The following ZFPM2 variants were observed in gnomAD, a reference collection of about 807,000 sequenced individuals.
ZFPM2 encodes zinc finger protein, FOG family member 2, also known as zinc finger protein ZFPM2.
In ZFPM2, 20 loss-of-function variants were observed where a neutral mutation model predicts 98.6. That is an observed-to-expected ratio of 0.20 (90% CI 0.14 to 0.29). The LOEUF (loss-of-function observed/expected upper bound fraction) is 0.29. ZFPM2 is among the 10% of genes least tolerant of loss of function. The pLI is 1.00. For missense variants in ZFPM2, 1,310 were observed against 1,388.6 expected (o/e 0.94, Z 0.90); for synonymous variants, 518 against 502.7 (o/e 1.03, Z -0.41).
chr8:105,727,448 G>C (rs919329829), intron 5 of ZFPM2, among the ~76,000 whole-genome samples: 2 of 151,724 alleles, frequency 1.3e-5, no homozygotes, highest in African/African-American at 4.8e-5. Flanking sequence ...ATTAATTGCT[G>C]ATTTATGAAA....
chr8:105,621,610 T>C (rs1816548322), intron 4 of ZFPM2, among the ~76,000 whole-genome samples: 1 of 152,192 alleles, frequency 6.6e-6, no homozygotes, highest in Admixed American at 6.5e-5. Context: ...TGTTGCACTT[T>C]CCAAATGTAC....
At chr8:105,506,988 CA>C (rs61634908) in intron 3 of ZFPM2, among the ~76,000 whole-genome samples, 23,361 of 112,494 alleles carry the variant, frequency 0.21, 1,919 homozygotes, top group East Asian at 0.41. Flanking sequence ...ACTCCGTCTC[CA>C]AAAAAAAAAA....
In ZFPM2 at chr8:105,803,630, G is replaced by A. The variant is rs1814116615; in HGVS notation, c.*92G>A. The A allele has an allele frequency of 4.0e-6, 5 of 1,255,238 alleles. No homozygotes were observed. In the African/African-American group the frequency reaches 7.5e-5, roughly 19 times the overall value. The allele number at this position is 1,255,238 out of a possible 1,614,324, so 77.8% of individuals were successfully genotyped here. On this transcript the variant is annotated 3_prime_UTR_variant, in exon 8 of 8. Transcript: ENST00000407775. ...AAAATAAGCTGTTTGAATTACATCT[G>A]GGCAATCAGGAGATAATTCATTATG... is the stretch of plus-strand genomic sequence containing the variant.
At chr8:105,634,222 T>G in intron 4 of ZFPM2, 24 bp from the exon 5 acceptor site, 2 of 1,570,410 alleles carry the variant, frequency 1.3e-6, no homozygotes, top group Non-Finnish European at 1.7e-6. Flanking sequence ...AAATGGCATC[T>G]GTTTGTTATC....
Position 105,444,366 on chromosome 8 carries a change from G to T in ZFPM2, c.286G>T (p.Asp96Tyr), listed in dbSNP as rs772042320. 35 of 1,610,944 alleles carry T rather than the reference G, an allele frequency of 2.2e-5. No individual in the cohort carries two copies. In the Middle Eastern group the frequency reaches 6.6e-4, roughly 30 times the overall value. Reference protein sequence around the residue: ...KPGQPGVETDDWDGPGELEVF... With the variant: ...KPGQPGVETDYWDGPGELEVF... Reference sequence around the variant, plus strand: ...GGGGCAACCTGGAGTTGAGACAGACGACTGGGATGGACCAGGTAGGGGAGA... The same window carrying T: ...GGGGCAACCTGGAGTTGAGACAGACTACTGGGATGGACCAGGTAGGGGAGA... The change falls in exon 3 of 8, where the codon GAC (aspartate) becomes TAC (tyrosine). Residue 96 changes from aspartate to tyrosine, a missense_variant. Coordinates refer to ENST00000407775, the MANE Select transcript of ZFPM2 (RefSeq NM_012082.4).
chr8:105,800,953 T>C (rs1813981481), intron 7 of ZFPM2, 94 bp from the exon 8 acceptor site: 2 of 1,166,156 alleles, frequency 1.7e-6, no homozygotes, highest in Admixed American at 4.5e-5. Flanking sequence ...TCATTCCTAT[T>C]GTGTTGCAAA....
intron 5 of ZFPM2, among the ~76,000 whole-genome samples, chr8:105,728,205 G>A (rs1449594672): frequency 6.6e-6 from 1 of 151,398 alleles, no homozygotes; most frequent in African/African-American, 2.4e-5. Flanking sequence ...TCTAGATTGA[G>A]TAAAAATATA....
intron 4 of ZFPM2, among the ~76,000 whole-genome samples, chr8:105,573,644 ATAT>A (rs1465131964): frequency 6.6e-6 from 1 of 152,224 alleles, no homozygotes; most frequent in African/African-American, 2.4e-5. Flanking sequence ...ATTTATTTAG[ATAT>A]TAATTTTGCA....
intron 4 of ZFPM2, among the ~76,000 whole-genome samples, chr8:105,567,536 C>T (rs879300493): frequency 2.0e-5 from 3 of 151,836 alleles, no homozygotes; most frequent in Admixed American, 6.6e-5. Flanking sequence ...CTTACTTCGC[C>T]ACAACCTTAC....
chr8:105,715,245 A>T (rs1811490396), intron 5 of ZFPM2, among the ~76,000 whole-genome samples: 1 of 152,074 alleles, frequency 6.6e-6, no homozygotes, highest in Admixed American at 6.6e-5. Context: ...CAAAAAAAAT[A>T]GAAAATTAGG....
chr8:105,612,441 C>T (rs1352395793), intron 4 of ZFPM2, among the ~76,000 whole-genome samples: 1 of 151,692 alleles, frequency 6.6e-6, no homozygotes, highest in Admixed American at 6.6e-5. Context: ...TTTGAGAAAC[C>T]CTGGTAAAGG....
intron 4 of ZFPM2, among the ~76,000 whole-genome samples, chr8:105,592,888 A>C (rs771344673): frequency 2.6e-5 from 4 of 152,178 alleles, no homozygotes; most frequent in African/African-American, 4.8e-5. Flanking sequence ...AAATGATTAG[A>C]GCTGCTTGCC....
intron 5 of ZFPM2, among the ~76,000 whole-genome samples, chr8:105,723,335 C>T (rs576196543): frequency 6.6e-6 from 1 of 151,926 alleles, no homozygotes; most frequent in Non-Finnish European, 1.5e-5. Flanking sequence ...GTGGTATAAT[C>T]GTTCCAGACT....
At chr8:105,402,621 CT>C (rs1351914634) in intron 1 of ZFPM2, among the ~76,000 whole-genome samples, 1 of 151,978 alleles carries the variant, frequency 6.6e-6, no homozygotes, top group Admixed American at 6.6e-5. Flanking sequence ...TTTAGTTCCT[CT>C]TTTAATATGT....
At chr8:105,428,108 T>A (rs1008542991) in intron 2 of ZFPM2, among the ~76,000 whole-genome samples, 1 of 152,214 alleles carries the variant, frequency 6.6e-6, no homozygotes, top group Non-Finnish European at 1.5e-5. Flanking sequence ...CTAATTTTGC[T>A]TCCTGATGTC....
chr8:105,502,433 T>C (rs1248032191), intron 3 of ZFPM2, among the ~76,000 whole-genome samples: 1 of 151,360 alleles, frequency 6.6e-6, no homozygotes, highest in East Asian at 2.0e-4. Context: ...CTTAAGGAGG[T>C]CAGGAAAAAA....
intron 5 of ZFPM2, among the ~76,000 whole-genome samples, chr8:105,717,471 G>T (rs988367775): frequency 6.6e-6 from 1 of 151,818 alleles, no homozygotes; most frequent in Non-Finnish European, 1.5e-5. Context: ...TCTCTGATTG[G>T]TTATTTAGCC....
At chr8:105,474,954 C>G (rs1812983213) in intron 3 of ZFPM2, among the ~76,000 whole-genome samples, 1 of 152,182 alleles carries the variant, frequency 6.6e-6, no homozygotes. Context: ...GCACCTTATT[C>G]TGTGATTCAG....
At position 105,530,283 on chromosome 8, in the gene ZFPM2, C is replaced by A. The variant is rs116757437; in HGVS notation, c.302-31080C>A. Among the ~76,000 whole-genome samples, 710 of 152,230 alleles carry A rather than the reference C, an allele frequency of 4.7e-3. 5 individuals carry two copies. The highest frequency in any genetic ancestry group is 0.016 in the African/African-American group (684 of 41,552). On this transcript the variant is annotated intron_variant, in intron 3 of 7. Transcript: ENST00000407775. ...TTCATAATCTTTATGAAAATCTCAG[C>A]ATCCTTGGTGGATTAGTCTGGCAAC...
Sources: gnomAD v4.1 joint callset for allele counts (sites outside exome capture counted in the v4.1 genomes callset) on GRCh38, gnomAD v4.1.1 for gene constraint, MANE v1.5 for transcripts, NCBI Gene and HGNC (gene_info 2026-07-23, HGNC 2026-07-21) for gene names.